The following RAB11FIP4 variants were observed in gnomAD, a reference collection of about 807,000 sequenced individuals.
The protein encoded by RAB11FIP4 is RAB11 family interacting protein 4.
RAB11FIP4 carries 23 observed loss-of-function variants against 74.3 expected under a neutral mutation model. That is an observed-to-expected ratio of 0.31 (90% CI 0.22 to 0.44). RAB11FIP4 has a LOEUF of 0.44. RAB11FIP4 is among the 20% of genes least tolerant of loss of function. RAB11FIP4 has a pLI of 1.00. For missense variants in RAB11FIP4, 630 were observed against 863.9 expected (o/e 0.73, Z 3.39); for synonymous variants, 360 against 359.9 (o/e 1.00, Z 0.00).
intron 1 of RAB11FIP4, among the ~76,000 whole-genome samples, chr17:31,402,915 G>A (rs11652400): frequency 0.3 from 45,130 of 151,794 alleles, 8,484 homozygotes; most frequent in African/African-American, 0.53. Flanking sequence ...GTGAGCCACC[G>A]CGCCTGGCCA....
chr17:31,522,143 G>A, intron 6 of RAB11FIP4, 94 bp downstream of exon 6: 1 of 1,516,590 alleles, frequency 6.6e-7, no homozygotes, highest in African/African-American at 1.4e-5. Flanking sequence ...GACCCCTGCT[G>A]TCTGGGCAGG....
intron 1 of RAB11FIP4, among the ~76,000 whole-genome samples, chr17:31,394,942 G>GGT (rs1567641163): frequency 7.3e-6 from 1 of 137,456 alleles, no homozygotes; most frequent in African/African-American, 2.7e-5. Flanking sequence ...GGGGGGCGGG[G>GGT]GGGGGGGGCT....
At chr17:31,489,580 G>C (rs929915269) in intron 3 of RAB11FIP4, among the ~76,000 whole-genome samples, 2 of 152,130 alleles carry the variant, frequency 1.3e-5, no homozygotes, top group African/African-American at 2.4e-5. Context: ...ATGTTCCCAG[G>C]GAACATTACA....
At chr17:31,400,467 G>C (rs1228025751) in intron 1 of RAB11FIP4, among the ~76,000 whole-genome samples, 1 of 152,198 alleles carries the variant, frequency 6.6e-6, no homozygotes, top group Non-Finnish European at 1.5e-5. Flanking sequence ...AGCCCCCAAA[G>C]GGTTCTGAGC....
intron 1 of RAB11FIP4, among the ~76,000 whole-genome samples, chr17:31,407,029 T>C (rs988377516): frequency 2.7e-5 from 4 of 149,538 alleles, no homozygotes; most frequent in African/African-American, 7.3e-5. Context: ...TTTGTTTTTT[T>C]GTTTCACTTG....
At chr17:31,459,773 C>T (rs568528372) in intron 3 of RAB11FIP4, among the ~76,000 whole-genome samples, 24 of 143,874 alleles carry the variant, frequency 1.7e-4, no homozygotes, top group African/African-American at 5.8e-4. Context: ...GCCTCTTTAT[C>T]CCCCACCAGT....
chr17:31,520,941 C>T (rs2072652866), intron 4 of RAB11FIP4: 2 of 338,188 alleles, frequency 5.9e-6, no homozygotes, highest in South Asian at 1.3e-4. Flanking sequence ...CAGTGTTTTG[C>T]TACTGTGGAG....
chr17:31,471,969 C>A (rs528659935), intron 3 of RAB11FIP4, among the ~76,000 whole-genome samples: 1 of 151,890 alleles, frequency 6.6e-6, no homozygotes, highest in Admixed American at 6.6e-5. Context: ...GAGACCATCC[C>A]GGCCAACATA....
intron 1 of RAB11FIP4, among the ~76,000 whole-genome samples, chr17:31,417,896 C>T (rs550587929): frequency 2.2e-4 from 33 of 152,256 alleles, no homozygotes; most frequent in African/African-American, 7.9e-4. Flanking sequence ...GCCAGGAGTT[C>T]AAGACCAACC....
At chr17:31,433,931 A>G in intron 2 of RAB11FIP4, 103 bp from the exon 3 acceptor site, 1 of 1,160,872 alleles carries the variant, frequency 8.6e-7, no homozygotes. Flanking sequence ...TCGGGCCCCC[A>G]CCTCAGCCCT....
chr17:31,516,756 C>T (rs1444174133), intron 3 of RAB11FIP4, among the ~76,000 whole-genome samples: 1 of 152,204 alleles, frequency 6.6e-6, no homozygotes, highest in East Asian at 1.9e-4. Context: ...CGTGAGCCAC[C>T]GTGCCTAGAG....
intron 3 of RAB11FIP4, among the ~76,000 whole-genome samples, chr17:31,493,225 CA>C (rs2072045546): frequency 6.6e-6 from 1 of 152,222 alleles, no homozygotes; most frequent in African/African-American, 2.4e-5. Flanking sequence ...TCTTTCCCAA[CA>C]ATGTAAACAT....
rs945933758 is a variant in RAB11FIP4 at position 31,516,088 on chromosome 17, G to A, written c.337-1563G>A. On this transcript the variant is annotated intron_variant, in intron 3 of 14. Transcript: ENST00000621161. ...TGAGGTCCTACTGTGTGTCAGATGC[G>A]AACGTGAAATACCTCATTTAATCAG... is the stretch of plus-strand genomic sequence containing the variant. Among the ~76,000 whole-genome samples, 12 of 152,076 alleles carry A rather than the reference G, an allele frequency of 7.9e-5. 1 individual carries two copies. Among genetic ancestry groups the A allele is most frequent in the Admixed American group, 6.6e-5 (1 of 15,264 alleles).
At position 31,532,484 on chromosome 17, in the gene RAB11FIP4, C is replaced by G. The variant is rs1257314803; in HGVS notation, c.*752C>G. 2 of 152,648 alleles carry G rather than the reference C, an allele frequency of 1.3e-5. No individual in the cohort carries two copies. Among genetic ancestry groups the G allele is most frequent in the Non-Finnish European group, 2.9e-5 (2 of 68,052 alleles). The allele number at this position is 152,648 out of a possible 1,614,324, so 9.5% of individuals were successfully genotyped here. On this transcript the variant is annotated 3_prime_UTR_variant, in exon 15 of 15. Coordinates refer to ENST00000621161, the MANE Select transcript of RAB11FIP4 (RefSeq NM_032932.6). Reference sequence around the variant, plus strand: ...TTTTAAGACAATGAAGCAGCATTCACTGCGTCATTGTAACATGAAGGGATA... The same window carrying G: ...TTTTAAGACAATGAAGCAGCATTCAGTGCGTCATTGTAACATGAAGGGATA...
intron 1 of RAB11FIP4, among the ~76,000 whole-genome samples, chr17:31,427,666 G>C (rs1260419100): frequency 6.6e-6 from 1 of 152,258 alleles, no homozygotes; most frequent in Non-Finnish European, 1.5e-5. Flanking sequence ...AATGAAGGCA[G>C]AGCCCTGACC....
At chr17:31,490,007 C>T (rs888380178) in intron 3 of RAB11FIP4, among the ~76,000 whole-genome samples, 3 of 152,004 alleles carry the variant, frequency 2.0e-5, no homozygotes, top group African/African-American at 7.3e-5. Flanking sequence ...AGCCTGCCCT[C>T]GGAAGGGACT....
intron 3 of RAB11FIP4, among the ~76,000 whole-genome samples, chr17:31,505,712 A>ATATAT: frequency 8.2e-6 from 1 of 121,240 alleles, no homozygotes; most frequent in African/African-American, 3.1e-5. Context: ...TAATATATTA[A>ATATAT]TAATATTATT....
At chr17:31,469,884 C>T (rs2071721373) in intron 3 of RAB11FIP4, among the ~76,000 whole-genome samples, 1 of 152,238 alleles carries the variant, frequency 6.6e-6, no homozygotes, top group Non-Finnish European at 1.5e-5. Context: ...AGCCTCTCAA[C>T]AACTCTGAGA....
chr17:31,505,571 A>AATTATTATTAT (rs2072319042), intron 3 of RAB11FIP4, among the ~76,000 whole-genome samples: 3 of 85,298 alleles, frequency 3.5e-5, no homozygotes, highest in Admixed American at 2.1e-4. Context: ...TATAATATAT[A>AATTATTATTAT]ATAATATATA....
Sources: allele counts gnomAD v4.1 joint callset (sites outside exome capture counted in the v4.1 genomes callset), GRCh38; gene constraint gnomAD v4.1.1; transcripts MANE v1.5; gene names NCBI Gene and HGNC (gene_info 2026-07-23, HGNC 2026-07-21).